The following DBF4B variants were observed in gnomAD, a reference collection of about 807,000 sequenced individuals.
The protein encoded by DBF4B is DBF4B-CDC7 kinase regulatory subunit, also known as protein DBF4 homolog B.
Under a neutral mutation model 53.4 loss-of-function variants are expected in DBF4B, and 49 were observed. That is an observed-to-expected ratio of 0.92 (90% CI 0.73 to 1.16). The LOEUF (loss-of-function observed/expected upper bound fraction) is 1.16, where lower values mean the gene tolerates loss of function less well. Among genes scored for constraint, DBF4B ranks in the 50% most tolerant of loss-of-function variants. The probability of loss-of-function intolerance (pLI) is 0.00; values close to 1 mark genes in which losing one functional copy is unlikely to be tolerated. For synonymous variants in DBF4B, 257 were observed against 288.7 expected (o/e 0.89, Z 1.11); for missense variants, 692 against 775.0 (o/e 0.89, Z 1.27).
At chr17:44,720,789 C>G (rs558449817) in intron 2 of DBF4B, among the ~76,000 whole-genome samples, 1 of 151,986 alleles carries the variant, frequency 6.6e-6, no homozygotes, top group Non-Finnish European at 1.5e-5. Flanking sequence ...TGTGACTGCA[C>G]GATTCCACAT....
At chr17:44,725,153 C>T (rs1974203282) in intron 3 of DBF4B, among the ~76,000 whole-genome samples, 1 of 147,300 alleles carries the variant, frequency 6.8e-6, no homozygotes, top group South Asian at 2.2e-4. Flanking sequence ...TAGCTGGGGG[C>T]AGTGGCACAT....
chr17:44,751,535 A>T lies in DBF4B; in HGVS notation c.*282A>T. 2 of 1,293,236 alleles carry T rather than the reference A, an allele frequency of 1.5e-6. No individual in the cohort carries two copies. Among genetic ancestry groups the T allele is most frequent in the Non-Finnish European group, 9.8e-7 (1 of 1,023,016 alleles). The allele number at this position is 1,293,236 out of a possible 1,614,324, so 80.1% of individuals were successfully genotyped here. A position where few individuals can be genotyped will look rare whatever the true frequency, so the allele number is the denominator to read the frequency against. ...GGCCCTCCAGCCCACCTCGCCAACC[A>T]CTCTTGTTGGTTTCCTTCTCAGACT... On this transcript the variant is annotated 3_prime_UTR_variant, in exon 14 of 14. Transcript: ENST00000315005.
chr17:44,712,310 T>G (rs1176916413), intron 2 of DBF4B, among the ~76,000 whole-genome samples: 1 of 132,690 alleles, frequency 7.5e-6, no homozygotes, highest in Admixed American at 7.6e-5. Flanking sequence ...TCTTTTTTTT[T>G]TTTTTTTTTT....
At chr17:44,737,791 A>C (rs1026558347) in intron 8 of DBF4B, among the ~76,000 whole-genome samples, 1 of 152,160 alleles carries the variant, frequency 6.6e-6, no homozygotes, top group Non-Finnish European at 1.5e-5. Flanking sequence ...TTCAGGAATC[A>C]GATTTTACCT....
intron 3 of DBF4B, among the ~76,000 whole-genome samples, chr17:44,728,027 A>G (rs1974518288): frequency 1.3e-5 from 2 of 151,824 alleles, no homozygotes; most frequent in African/African-American, 4.8e-5. Context: ...CAAAACAACA[A>G]TTTATTATTT....
chr17:44,750,005 C>CT (rs2049238115), intron 13 of DBF4B: 1 of 1,003,044 alleles, frequency 1.0e-6, no homozygotes, highest in Non-Finnish European at 1.2e-6. Flanking sequence ...CAGCACTGAC[C>CT]TTTCCCCTGA....
chr17:44,726,667 A>G (rs776968554), intron 3 of DBF4B, among the ~76,000 whole-genome samples: 2 of 152,106 alleles, frequency 1.3e-5, no homozygotes, highest in Non-Finnish European at 2.9e-5. Flanking sequence ...TGGGAATATA[A>G]TATTCTTTTG....
At chr17:44,748,607 C>T in intron 13 of DBF4B, 142 bp downstream of exon 13, 1 of 1,525,342 alleles carries the variant, frequency 6.6e-7, no homozygotes, top group Non-Finnish European at 8.8e-7. Flanking sequence ...CCAGGGATAC[C>T]AGTGTCCAGG....
chr17:44,748,356 A>G lies in DBF4B; in HGVS notation c.1080A>G (p.Pro360=). The part of the protein sequence containing the change: ...QAGLPRWSGS[P]ASDCDPLCPE... ...GTCCCAACAGGTGGTCAGGTTCCCCAGCTTCTGATTGTGACCCTCTCTGTC... is the reference window on the plus strand; with the variant it reads ...GTCCCAACAGGTGGTCAGGTTCCCCGGCTTCTGATTGTGACCCTCTCTGTC... Residue 360 remains proline, a synonymous_variant, in exon 13 of 14, where the codon CCA becomes CCG. Transcript: ENST00000315005. 1 of 1,602,552 alleles carries G rather than the reference A, an allele frequency of 6.2e-7. No homozygotes were observed. The highest frequency in any genetic ancestry group is 1.1e-5 in the South Asian group (1 of 89,224).
At position 44,751,307 on chromosome 17, in the gene DBF4B, T is replaced by C. The variant is rs1567681806; in HGVS notation, c.*54T>C. 10 of 1,566,412 alleles carry C rather than the reference T, an allele frequency of 6.4e-6. No individual in the cohort carries two copies. The highest frequency in any genetic ancestry group is 7.8e-6 in the Non-Finnish European group (9 of 1,157,256). On this transcript the variant is annotated 3_prime_UTR_variant, in exon 14 of 14. Transcript: ENST00000315005. ...CCCAGGATGGATGGGTGCTGCTTGATGTGAATGAGGTCCCGCAGTGGCTCC... is the reference window on the plus strand; with the variant it reads ...CCCAGGATGGATGGGTGCTGCTTGACGTGAATGAGGTCCCGCAGTGGCTCC...
intron 10 of DBF4B, among the ~76,000 whole-genome samples, chr17:44,743,781 TTG>T (rs1976316389): frequency 2.0e-5 from 3 of 151,874 alleles, no homozygotes; most frequent in African/African-American, 7.2e-5. Flanking sequence ...GGCTAATTGT[TTG>T]TGTTTTTAGT....
At chr17:44,714,642 A>G (rs1973175223) in intron 2 of DBF4B, among the ~76,000 whole-genome samples, 1 of 151,716 alleles carries the variant, frequency 6.6e-6, no homozygotes, top group Admixed American at 6.6e-5. Flanking sequence ...TTCTTTATAG[A>G]CCTGTTGAGA....
chr17:44,723,539 A>C (rs1974035996), intron 3 of DBF4B, among the ~76,000 whole-genome samples: 1 of 152,072 alleles, frequency 6.6e-6, no homozygotes, highest in South Asian at 2.1e-4. Context: ...GGATTACTTG[A>C]CGTCAGGAGT....
chr17:44,720,229 A>G (rs1393776167), intron 2 of DBF4B: 3 of 350,228 alleles, frequency 8.6e-6, no homozygotes, highest in East Asian at 1.7e-4. Flanking sequence ...CCATGGCTCA[A>G]CAGCTTTAGA....
At chr17:44,742,052 A>C (rs1363711448) in intron 10 of DBF4B, among the ~76,000 whole-genome samples, 1 of 151,616 alleles carries the variant, frequency 6.6e-6, no homozygotes, top group Admixed American at 6.6e-5. Context: ...TTTGAGACCA[A>C]CTTGGGCACA....
At chr17:44,741,805 T>C (rs1003717889) in intron 10 of DBF4B, among the ~76,000 whole-genome samples, 6 of 152,168 alleles carry the variant, frequency 3.9e-5, no homozygotes, top group African/African-American at 1.4e-4. Context: ...CCCCAGAGCA[T>C]GGACCATTGC....
intron 4 of DBF4B, among the ~76,000 whole-genome samples, 178 bp downstream of exon 4, chr17:44,730,274 T>TC (rs1264042898): frequency 6.6e-6 from 1 of 152,172 alleles, no homozygotes. Context: ...CAACATACTA[T>TC]CCCCCATGCT....
At chr17:44,720,059 G>T (rs533634030) in intron 2 of DBF4B, 1 of 246,252 alleles carries the variant, frequency 4.1e-6, no homozygotes. Flanking sequence ...TGTGTTCTTC[G>T]TAGAGGAACT....
chr17:44,732,365 C>T, intron 6 of DBF4B, 100 bp downstream of exon 6: 1 of 1,286,694 alleles, frequency 7.8e-7, no homozygotes. Context: ...CTTCTGGTCA[C>T]CGGAAGCCAG....
Sources: gnomAD v4.1 joint callset for allele counts (sites outside exome capture counted in the v4.1 genomes callset) on GRCh38, gnomAD v4.1.1 for gene constraint, MANE v1.5 for transcripts, NCBI Gene and HGNC (gene_info 2026-07-23, HGNC 2026-07-21) for gene names.